KSR2: variants seen among roughly 807,000 people sequenced by gnomAD.
The protein encoded by KSR2 is kinase suppressor of ras 2.
In KSR2, 25 loss-of-function variants were observed where a neutral mutation model predicts 107.8. That is an observed-to-expected ratio of 0.23 (90% CI 0.17 to 0.32). The LOEUF is 0.32. Among genes scored for constraint, KSR2 ranks in the 10% least tolerant of loss-of-function variants. KSR2 has a pLI of 1.00. For missense variants in KSR2, 887 were observed against 1,268.9 expected, an observed-to-expected ratio of 0.70 and a Z score of 4.57; for synonymous variants, 480 against 507.0, an observed-to-expected ratio of 0.95 and a Z score of 0.71.
chr12:117,677,526 T>C (rs1885186683), intron 4 of KSR2, among the ~76,000 whole-genome samples: 1 of 152,296 alleles, frequency 6.6e-6, no homozygotes, highest in Non-Finnish European at 1.5e-5. Context: ...AGAAAATACA[T>C]TTCCATTGTT....
chr12:117,807,556 T>G (rs1891051648), intron 3 of KSR2, among the ~76,000 whole-genome samples: 1 of 152,200 alleles, frequency 6.6e-6, no homozygotes, highest in South Asian at 2.1e-4. Flanking sequence ...CTCTGAGAAG[T>G]CCTGCAGGAA....
chr12:117,731,715 C>T (rs1261331041), intron 4 of KSR2, among the ~76,000 whole-genome samples: 8 of 152,184 alleles, frequency 5.3e-5, no homozygotes, highest in Middle Eastern at 3.4e-3. Flanking sequence ...CCTTGGGATC[C>T]TGTTGATCTG....
chr12:117,593,207 C>G (rs952775009), intron 5 of KSR2, among the ~76,000 whole-genome samples: 2 of 152,186 alleles, frequency 1.3e-5, no homozygotes, highest in African/African-American at 4.8e-5. Flanking sequence ...GCTGGCTTCC[C>G]CTGCCTGGCT....
intron 4 of KSR2, among the ~76,000 whole-genome samples, chr12:117,706,066 C>T (rs1274140013): frequency 8.0e-5 from 10 of 124,460 alleles, no homozygotes; most frequent in Non-Finnish European, 9.6e-5. Context: ...TTTTTTGAGA[C>T]GGAGTCCTGC....
At chr12:117,506,016 T>C (rs1335459539) in intron 14 of KSR2, among the ~76,000 whole-genome samples, 4 of 152,226 alleles carry the variant, frequency 2.6e-5, no homozygotes, top group African/African-American at 7.2e-5. Flanking sequence ...AGGACAAGCA[T>C]GTCTTATAAA....
At chr12:117,546,439 GC>G (rs1234703917) in intron 9 of KSR2, among the ~76,000 whole-genome samples, 16 of 152,150 alleles carry the variant, frequency 1.1e-4, no homozygotes, top group African/African-American at 3.9e-4. Context: ...ACATATCCTA[GC>G]ATGGATTTCT....
chr12:117,794,251 GCA>G (rs1403555375), intron 3 of KSR2, among the ~76,000 whole-genome samples: 1 of 73,256 alleles, frequency 1.4e-5, no homozygotes, highest in East Asian at 8.0e-4. Context: ...ACACCAACAT[GCA>G]CACATACACC....
intron 1 of KSR2, among the ~76,000 whole-genome samples, chr12:117,926,585 C>G (rs1462076938): frequency 6.6e-6 from 1 of 152,214 alleles, no homozygotes; most frequent in Non-Finnish European, 1.5e-5. Context: ...TTGGAAGTTT[C>G]TCTAAAGATC....
chr12:117,748,088 T>C (rs1257173757), intron 4 of KSR2, among the ~76,000 whole-genome samples: 1 of 133,148 alleles, frequency 7.5e-6, no homozygotes. Context: ...AAAGAAAATG[T>C]GGTATATATA....
Position 117,965,848 on chromosome 12 carries a change from A to G in KSR2, c.180+2228T>C, listed in dbSNP as rs143813607. Among the ~76,000 whole-genome samples, 309 of 152,342 alleles carry G rather than the reference A, an allele frequency of 2.0e-3. 2 individuals are homozygous for G. Among genetic ancestry groups the G allele is most frequent in the African/African-American group, 7.0e-3 (293 of 41,572 alleles). ...GCACCCTCATATGGTTTTGATATAC[A>G]AAATTAGAAAATTCCGTGGACCCAA... On this transcript the variant is annotated intron_variant, in intron 1 of 19. Coordinates refer to ENST00000339824, the MANE Select transcript of KSR2 (RefSeq NM_173598.6).
intron 5 of KSR2, among the ~76,000 whole-genome samples, chr12:117,655,219 C>T (rs372662635): frequency 1.3e-5 from 2 of 152,334 alleles, no homozygotes; most frequent in East Asian, 1.9e-4. Flanking sequence ...TGTGGACTCA[C>T]GGAATGGCTT....
chr12:117,482,759 C>T (rs559408286), intron 16 of KSR2, among the ~76,000 whole-genome samples: 37 of 152,348 alleles, frequency 2.4e-4, no homozygotes, highest in African/African-American at 7.9e-4. Flanking sequence ...TCCTGCACCC[C>T]TTTCCTCCAC....
At chr12:117,637,125 C>T (rs1242356772) in intron 5 of KSR2, among the ~76,000 whole-genome samples, 1 of 152,140 alleles carries the variant, frequency 6.6e-6, no homozygotes, top group Admixed American at 6.5e-5. Flanking sequence ...CTTCTTGGCA[C>T]AAAATTTAAG....
chr12:117,540,156 G>C (rs575410305), intron 9 of KSR2, among the ~76,000 whole-genome samples: 2 of 152,050 alleles, frequency 1.3e-5, no homozygotes, highest in Admixed American at 6.6e-5. Flanking sequence ...AAACCAAACA[G>C]GTGACAGTCA....
chr12:117,582,908 G>T (rs1465489898), intron 5 of KSR2, among the ~76,000 whole-genome samples: 1 of 152,170 alleles, frequency 6.6e-6, no homozygotes, highest in African/African-American at 2.4e-5. Flanking sequence ...TCTCATTTCT[G>T]CCATGCCTCT....
chr12:117,964,147 G>A (rs767657731), intron 1 of KSR2, among the ~76,000 whole-genome samples: 3 of 152,208 alleles, frequency 2.0e-5, no homozygotes, highest in South Asian at 2.1e-4. Flanking sequence ...GCATGGTGGC[G>A]GGCATCTGTA....
intron 3 of KSR2, among the ~76,000 whole-genome samples, chr12:117,854,489 C>T (rs1473206154): frequency 6.6e-6 from 1 of 152,204 alleles, no homozygotes; most frequent in Non-Finnish European, 1.5e-5. Flanking sequence ...CTTCTCCAGG[C>T]CTAGAACAAT....
At chr12:117,655,144 T>C (rs113674068) in intron 5 of KSR2, among the ~76,000 whole-genome samples, 4,387 of 152,304 alleles carry the variant, frequency 0.029, 207 homozygotes, top group African/African-American at 0.1. Flanking sequence ...CTCACTGGAA[T>C]AGACACTTAC....
At chr12:117,898,890 C>T (rs916459103) in intron 1 of KSR2, among the ~76,000 whole-genome samples, 2 of 152,080 alleles carry the variant, frequency 1.3e-5, no homozygotes, top group Non-Finnish European at 2.9e-5. Flanking sequence ...TAATTGAATT[C>T]TTTGTTTTCC....
Sources: allele counts gnomAD v4.1 joint callset (sites outside exome capture counted in the v4.1 genomes callset), GRCh38; gene constraint gnomAD v4.1.1; transcripts MANE v1.5; gene names NCBI Gene and HGNC (gene_info 2026-07-23, HGNC 2026-07-21).